LAMA4: variants seen among roughly 807,000 people sequenced by gnomAD.
The protein encoded by LAMA4 is laminin subunit alpha 4, also known as laminin subunit alpha-4.
In LAMA4, 127 loss-of-function variants were observed where a neutral mutation model predicts 207.1. The observed-to-expected ratio is 0.61, with a 90% CI of 0.53 to 0.71. LAMA4 has a LOEUF of 0.71. LAMA4 is among the 30% of genes least tolerant of loss of function. The pLI is 0.00. For missense variants in LAMA4, 2,093 were observed against 2,246.5 expected, an observed-to-expected ratio of 0.93 and a Z score of 1.38; for synonymous variants, 761 against 816.0, an observed-to-expected ratio of 0.93 and a Z score of 1.15.
At chr6:112,209,097 G>A (rs1414300541) in intron 3 of LAMA4, among the ~76,000 whole-genome samples, 1 of 152,138 alleles carries the variant, frequency 6.6e-6, no homozygotes, top group Admixed American at 6.6e-5. Context: ...CAAAGTTGCA[G>A]CAATCTCTCA....
chr6:112,183,730 C>T (rs1782501047), intron 9 of LAMA4, among the ~76,000 whole-genome samples: 1 of 151,868 alleles, frequency 6.6e-6, no homozygotes, highest in African/African-American at 2.4e-5. Flanking sequence ...GTGAGCTGAT[C>T]ACCTGAGGTC....
chr6:112,158,455 C>A (rs782434984), intron 14 of LAMA4: 2 of 436,994 alleles, frequency 4.6e-6, no homozygotes, highest in Non-Finnish European at 8.4e-6. Context: ...GGAACACAGA[C>A]CTTTAATATG....
At chr6:112,149,887 A>G (rs1554335370) in intron 17 of LAMA4, among the ~76,000 whole-genome samples, 1 of 152,182 alleles carries the variant, frequency 6.6e-6, no homozygotes, top group Non-Finnish European at 1.5e-5. Flanking sequence ...ATGCTGCACT[A>G]GTTTTTTAAC....
chr6:112,188,515 A>T (rs56982552), intron 7 of LAMA4, among the ~76,000 whole-genome samples: 40,338 of 152,058 alleles, frequency 0.27, 7,995 homozygotes, highest in African/African-American at 0.55. Context: ...ACCAAGATAC[A>T]TCTGTTTGGG....
intron 5 of LAMA4, among the ~76,000 whole-genome samples, chr6:112,196,177 A>C (rs782419632): frequency 2.6e-5 from 4 of 152,132 alleles, no homozygotes; most frequent in Non-Finnish European, 4.4e-5. Context: ...GTGTATTGTG[A>C]ACATTCAGAA....
intron 10 of LAMA4, among the ~76,000 whole-genome samples, chr6:112,177,585 G>A (rs914982132): frequency 1.3e-5 from 2 of 152,304 alleles, no homozygotes; most frequent in East Asian, 3.9e-4. Flanking sequence ...ACCTCCAAGA[G>A]GGAAGGTACA....
chr6:112,190,955 T>TCCTTC (rs782667230), intron 6 of LAMA4, among the ~76,000 whole-genome samples: 1 of 122,470 alleles, frequency 8.2e-6, no homozygotes, highest in African/African-American at 3.0e-5. Context: ...TTCCTTTCTT[T>TCCTTC]CTTTCTTTCT....
At chr6:112,193,740 T>C (rs1175548632) in intron 5 of LAMA4, among the ~76,000 whole-genome samples, 1 of 152,308 alleles carries the variant, frequency 6.6e-6, no homozygotes, top group East Asian at 1.9e-4. Context: ...GTCACATAGC[T>C]GGAAAGTCAC....
intron 11 of LAMA4, among the ~76,000 whole-genome samples, chr6:112,173,408 T>C (rs1304380652): frequency 2.6e-5 from 4 of 152,252 alleles, no homozygotes. Flanking sequence ...CTTCAGGGAA[T>C]ATTAGCTTGT....
chr6:112,156,075 T>C (rs1019723076), intron 14 of LAMA4, among the ~76,000 whole-genome samples: 1 of 152,198 alleles, frequency 6.6e-6, no homozygotes, highest in Non-Finnish European at 1.5e-5. Context: ...TGTTATTTCC[T>C]TTCTGTAGAG....
At chr6:112,227,103 G>A (rs1333257909) in intron 2 of LAMA4, among the ~76,000 whole-genome samples, 3 of 150,268 alleles carry the variant, frequency 2.0e-5, no homozygotes, top group East Asian at 2.0e-4. Flanking sequence ...ACGGAGTCTC[G>A]CTCTGTTGCC....
intron 6 of LAMA4, among the ~76,000 whole-genome samples, chr6:112,190,003 C>T (rs1782922279): frequency 6.6e-6 from 1 of 152,128 alleles, no homozygotes; most frequent in Admixed American, 6.5e-5. Context: ...TTGTGCATTT[C>T]CCCCCACTTC....
chr6:112,250,070 T>A (rs1787325849), intron 2 of LAMA4, among the ~76,000 whole-genome samples: 1 of 152,156 alleles, frequency 6.6e-6, no homozygotes, highest in Non-Finnish European at 1.5e-5. Flanking sequence ...TCTTTCGAGG[T>A]AAGGCTCCAA....
In LAMA4 at chr6:112,110,127, T is replaced by C. The variant is rs143590258; in HGVS notation, c.5327-545A>G. 3.9e-5 allele frequency among the ~76,000 whole-genome samples: 6 copies of C among 152,342 alleles called. No homozygotes were observed. The East Asian group carries it at 1.2e-3, about 29-fold the overall frequency. On this transcript the variant is annotated intron_variant, in intron 38 of 38. Coordinates refer to ENST00000230538, the MANE Select transcript of LAMA4 (RefSeq NM_001105206.3). Reference sequence around the variant, plus strand: ...TTCTGAGCTCAGGGTTTAAGAACTATAAATAGGGTAATGATAACTCGCTTA... The same window carrying C: ...TTCTGAGCTCAGGGTTTAAGAACTACAAATAGGGTAATGATAACTCGCTTA...
Position 112,155,664 on chromosome 6 carries a change from A to C in LAMA4, c.1860T>G (p.Ala620=), listed in dbSNP as rs782204209. Residue 620 remains alanine (A), a synonymous_variant, in exon 15 of 39, where the codon GCT becomes GCG. Transcript: ENST00000230538. ...SSDMNGLVQK[A]LDASNVYENI... ...TTTCATAGACATTTGATGCATCCAA[A>C]GCCTTCTGTACCAGCCCGTTCATAT... The C allele has an allele frequency of 1.2e-6, 2 of 1,614,128 alleles. No individual in the cohort carries two copies. The highest frequency in any genetic ancestry group is 1.7e-6 in the Non-Finnish European group (2 of 1,179,966).
intron 31 of LAMA4, 73 bp from the exon 32 acceptor site, chr6:112,122,274 C>G: frequency 1.1e-5 from 12 of 1,067,808 alleles, no homozygotes; most frequent in Non-Finnish European, 1.7e-5. Context: ...ATGTCCTCAT[C>G]ATTAATAAGG....
At chr6:112,131,483 G>C (rs1301953956) in intron 28 of LAMA4, among the ~76,000 whole-genome samples, 1 of 152,072 alleles carries the variant, frequency 6.6e-6, no homozygotes, top group East Asian at 1.9e-4. Flanking sequence ...TAATTTACTA[G>C]TTTGGCTTTT....
chr6:112,160,763 C>T (rs1781007926), intron 13 of LAMA4, among the ~76,000 whole-genome samples: 1 of 152,226 alleles, frequency 6.6e-6, no homozygotes. Flanking sequence ...ACTCCCAGCC[C>T]TTTCCTCTCC....
chr6:112,223,790 G>T (rs1785050042), intron 2 of LAMA4, among the ~76,000 whole-genome samples: 1 of 152,172 alleles, frequency 6.6e-6, no homozygotes, highest in African/African-American at 2.4e-5. Context: ...CTTCCTCACA[G>T]GTTTTTGCAT....
Sources: allele counts gnomAD v4.1 joint callset (sites outside exome capture counted in the v4.1 genomes callset), GRCh38; gene constraint gnomAD v4.1.1; transcripts MANE v1.5; gene names NCBI Gene and HGNC (gene_info 2026-07-23, HGNC 2026-07-21).